Variants in SNTG1 observed in about 807,000 individuals in gnomAD.
SNTG1 encodes syntrophin gamma 1, also known as gamma-1-syntrophin.
SNTG1 carries 39 observed loss-of-function variants against 74.7 expected under a neutral mutation model. The observed-to-expected ratio is 0.52, with a 90% CI of 0.40 to 0.68. The LOEUF is 0.68. Ranked by LOEUF, SNTG1 falls within the 30% of genes least tolerant of loss-of-function variation. SNTG1 has a pLI of 0.00. For synonymous variants in SNTG1, 254 were observed against 217.1 expected, an observed-to-expected ratio of 1.17 and a Z score of -1.49; for missense variants, 685 against 609.5, an observed-to-expected ratio of 1.12 and a Z score of -1.30.
intron 1 of SNTG1, among the ~76,000 whole-genome samples, chr8:50,026,992 T>C (rs536253325): frequency 6.6e-6 from 1 of 152,292 alleles, no homozygotes; most frequent in African/African-American, 2.4e-5. Flanking sequence ...AAAGCCCATG[T>C]CACTCATTTG....
At chr8:50,272,905 TA>T (rs3086115) in intron 2 of SNTG1, among the ~76,000 whole-genome samples, 16,132 of 140,156 alleles carry the variant, frequency 0.12, 1,212 homozygotes, top group African/African-American at 0.23. Flanking sequence ...CCTGGATACT[TA>T]AAAAAAAAAA....
chr8:50,236,179 C>T (rs1185072164), intron 2 of SNTG1, among the ~76,000 whole-genome samples: 3 of 152,038 alleles, frequency 2.0e-5, no homozygotes. Flanking sequence ...ACAAAGAGTG[C>T]CACTATAGAT....
chr8:50,571,577 G>T (rs897095538), intron 12 of SNTG1, among the ~76,000 whole-genome samples: 8 of 152,136 alleles, frequency 5.3e-5, no homozygotes, highest in Non-Finnish European at 1.0e-4. Context: ...TTTGTTTTCT[G>T]CTGGCCTGCC....
At chr8:50,260,055 T>C (rs2087104937) in intron 2 of SNTG1, among the ~76,000 whole-genome samples, 1 of 152,124 alleles carries the variant, frequency 6.6e-6, no homozygotes, top group Non-Finnish European at 1.5e-5. Flanking sequence ...CCCTTATGCT[T>C]CTGGCAGAGG....
chr8:50,691,548 C>A (rs1048362699), intron 15 of SNTG1, among the ~76,000 whole-genome samples: 20 of 152,118 alleles, frequency 1.3e-4, no homozygotes, highest in African/African-American at 4.3e-4. Context: ...GTTGAAAATT[C>A]TTTTCTTTAA....
intron 2 of SNTG1, among the ~76,000 whole-genome samples, chr8:50,342,538 G>T (rs1174231984): frequency 1.3e-5 from 2 of 152,116 alleles, no homozygotes; most frequent in Non-Finnish European, 2.9e-5. Flanking sequence ...AATATATTTA[G>T]AAAGAAGTAT....
chr8:50,309,663 C>T (rs958722779), intron 2 of SNTG1, among the ~76,000 whole-genome samples: 1 of 152,126 alleles, frequency 6.6e-6, no homozygotes, highest in Non-Finnish European at 1.5e-5. Flanking sequence ...TATACCATAT[C>T]TTAGTAGCGG....
chr8:50,664,143 C>A (rs1407778528), intron 15 of SNTG1, among the ~76,000 whole-genome samples: 1 of 152,076 alleles, frequency 6.6e-6, no homozygotes, highest in African/African-American at 2.4e-5. Context: ...AAGAGAAAAA[C>A]AAAAGCAAAA....
rs141114518 is a variant in SNTG1, at chr8:50,497,991, T to A, written c.364-4787T>A. Among the ~76,000 whole-genome samples, 758 of 152,104 alleles carry A rather than the reference T, an allele frequency of 5.0e-3. 4 individuals are homozygous for A. Among genetic ancestry groups the A allele is most frequent in the Non-Finnish European group, 7.4e-3 (505 of 67,904 alleles). On this transcript the variant is annotated intron_variant, in intron 8 of 18. Transcript: ENST00000642720. ...TCACATTCCATTATAAGGATATATC[T>A]CAGTTTGTCTACCCATTTACTTTTT...
intron 2 of SNTG1, among the ~76,000 whole-genome samples, chr8:50,299,876 A>T (rs2089567990): frequency 6.6e-6 from 1 of 152,164 alleles, no homozygotes; most frequent in Admixed American, 6.6e-5. Context: ...TCTTTAACCC[A>T]TTTACTAAAC....
chr8:50,377,449 T>C (rs2092408120), intron 2 of SNTG1, among the ~76,000 whole-genome samples: 1 of 152,212 alleles, frequency 6.6e-6, no homozygotes, highest in Non-Finnish European at 1.5e-5. Context: ...GTTTTATGTT[T>C]CTTAAAACAT....
At chr8:50,056,467 C>G (rs930289964) in intron 1 of SNTG1, among the ~76,000 whole-genome samples, 1 of 152,174 alleles carries the variant, frequency 6.6e-6, no homozygotes, top group Admixed American at 6.5e-5. Context: ...AGCAGAAAAG[C>G]TGTGGAGAAG....
At chr8:50,333,120 C>A (rs2091023671) in intron 2 of SNTG1, among the ~76,000 whole-genome samples, 1 of 152,166 alleles carries the variant, frequency 6.6e-6, no homozygotes, top group Non-Finnish European at 1.5e-5. Flanking sequence ...GTAATATATA[C>A]TCAAGACTCA....
rs372373908 is a variant in SNTG1, at chr8:50,416,657, T to C, written c.162+14313T>C. Among the ~76,000 whole-genome samples, 191 of 152,276 alleles carry C rather than the reference T, an allele frequency of 1.3e-3. 2 individuals carry two copies. In the South Asian group the frequency reaches 0.022, roughly 17 times the overall value. On this transcript the variant is annotated intron_variant, in intron 4 of 18. Transcript: ENST00000642720. ...TTTTAGATAGATTACTTAAAATGTT[T>C]GAAGTGTATTTGAGACATTTTGTTT... is the stretch of plus-strand genomic sequence containing the variant.
intron 1 of SNTG1, among the ~76,000 whole-genome samples, chr8:50,037,983 C>A (rs1818304707): frequency 6.6e-6 from 1 of 152,124 alleles, no homozygotes; most frequent in Admixed American, 6.5e-5. Flanking sequence ...AAAAGCTGAG[C>A]CTCCTTGCCC....
At chr8:50,300,839 T>C (rs1339354317) in intron 2 of SNTG1, among the ~76,000 whole-genome samples, 3 of 152,158 alleles carry the variant, frequency 2.0e-5, no homozygotes, top group Admixed American at 6.5e-5. Flanking sequence ...TTTTGTTAGA[T>C]ATAGACTTTT....
intron 16 of SNTG1, 72 bp downstream of exon 16, chr8:50,704,824 C>T: frequency 2.6e-6 from 4 of 1,524,584 alleles, no homozygotes; most frequent in Non-Finnish European, 3.6e-6. Flanking sequence ...GTTCTAATAT[C>T]ATTCCAAAGT....
rs981502431 is a variant in SNTG1, at chr8:50,165,922, G to T, written c.-102-6639G>T. 3.2e-4 allele frequency among the ~76,000 whole-genome samples: 48 copies of T among 150,324 alleles called. 1 individual carries two copies. The highest frequency in any genetic ancestry group is 1.2e-3 in the African/African-American group (48 of 40,730). ...AGCATGGTACTGGTACCAAAACAGA[G>T]ATATAGATCAATGGAACAGACCAGA... On this transcript the variant is annotated intron_variant, in intron 1 of 18. Coordinates refer to ENST00000642720, the MANE Select transcript of SNTG1 (RefSeq NM_018967.5).
At chr8:50,181,258 T>C (rs2083196035) in intron 2 of SNTG1, among the ~76,000 whole-genome samples, 1 of 152,214 alleles carries the variant, frequency 6.6e-6, no homozygotes, top group African/African-American at 2.4e-5. Context: ...TCCTTAAAAC[T>C]CATTTCTTTG....
Sources: gnomAD v4.1 joint callset for allele counts (sites outside exome capture counted in the v4.1 genomes callset) on GRCh38, gnomAD v4.1.1 for gene constraint, MANE v1.5 for transcripts, NCBI Gene and HGNC (gene_info 2026-07-23, HGNC 2026-07-21) for gene names.